The following TMEM185A variants were observed in gnomAD, a reference collection of about 807,000 sequenced individuals.
TMEM185A encodes the protein family with sequence similarity 11, member A.
Under a neutral mutation model 25.0 loss-of-function variants are expected in TMEM185A, and 9 were observed. That is an observed-to-expected ratio of 0.36 (90% CI 0.22 to 0.63). The LOEUF (loss-of-function observed/expected upper bound fraction) is 0.63, where lower values mean the gene tolerates loss of function less well. Ranked by LOEUF, TMEM185A falls within the 20% of genes least tolerant of loss-of-function variation. TMEM185A has a pLI of 0.68. For synonymous variants in TMEM185A, 45 were observed against 93.5 expected, an observed-to-expected ratio of 0.48 and a Z score of 2.99; for missense variants, 103 against 237.4, an observed-to-expected ratio of 0.43 and a Z score of 3.72.
chrX:149,610,016 A>G (rs1182646805), intron 2 of TMEM185A, among the ~76,000 whole-genome samples: 2 of 112,117 alleles, frequency 1.8e-5, no homozygotes, highest in African/African-American at 3.2e-5. Flanking sequence ...ACAGCTATAC[A>G]TGAATGTCCC....
chrX:149,612,334 C>G (rs182437199), intron 1 of TMEM185A, among the ~76,000 whole-genome samples: 167 of 111,937 alleles, frequency 1.5e-3, no homozygotes, highest in Non-Finnish European at 2.7e-3. Flanking sequence ...AGCAAGAAAA[C>G]AGTTAAAACT....
At chrX:149,625,835 T>C (rs984375927) in intron 1 of TMEM185A, among the ~76,000 whole-genome samples, 7 of 112,500 alleles carry the variant, frequency 6.2e-5, no homozygotes, top group Non-Finnish European at 1.1e-4. Context: ...AGTAACCTCT[T>C]TGAATAACAA....
rs2090196422 is a variant in TMEM185A, at chrX:149,631,726, CCGTCGCCGTCGCCG to C, written c.-160_-147del. 1.5e-5 allele frequency: 7 copies of C among 471,155 alleles called. No individual in the cohort carries two copies. In the African/African-American group the frequency reaches 2.1e-4, roughly 14 times the overall value. 38.8% of individuals were successfully genotyped at this position (471,155 alleles called of 1,213,427 possible). ...ACTGCTGCCGTCCCCGCTGCCGTCGCCGTCGCCGTCGCCGCCGCCGCCGCCGCCGCCGCCGCCGC... is the reference window on the plus strand; with the variant it reads ...ACTGCTGCCGTCCCCGCTGCCGTCGCCCGCCGCCGCCGCCGCCGCCGCCGC... On this transcript the variant is annotated 5_prime_UTR_variant, in exon 1 of 7. Coordinates refer to ENST00000600449, the MANE Select transcript of TMEM185A (RefSeq NM_032508.4).
intron 3 of TMEM185A, 77 bp downstream of exon 3, chrX:149,608,550 C>CA: frequency 6.7e-6 from 7 of 1,041,960 alleles, no homozygotes; most frequent in Non-Finnish European, 8.0e-6. Context: ...AGGCTGGTCT[C>CA]AAACTCCTGA....
At chrX:149,614,145 G>A (rs1569561008) in intron 1 of TMEM185A, among the ~76,000 whole-genome samples, 1 of 110,995 alleles carries the variant, frequency 9.0e-6, no homozygotes, top group African/African-American at 3.3e-5. Context: ...AAACACACAC[G>A]GAACATTCAC....
intron 3 of TMEM185A, 173 bp downstream of exon 3, chrX:149,608,454 C>T (rs782562512): frequency 3.7e-5 from 16 of 438,084 alleles, no homozygotes; most frequent in East Asian, 1.7e-4. Context: ...CCTCAGCCTC[C>T]GGAGAAGCTG....
intron 1 of TMEM185A, among the ~76,000 whole-genome samples, chrX:149,630,177 G>A (rs943977582): frequency 6.3e-5 from 7 of 111,654 alleles, no homozygotes; most frequent in Non-Finnish European, 1.3e-4. Flanking sequence ...GATAATGTCT[G>A]CACCGTGTTA....
Position 149,631,740 on chromosome X carries a change from GCC to G in TMEM185A, c.-162_-161del, listed in dbSNP as rs2090198453. 1 of 15,586 alleles carries G rather than the reference GCC, an allele frequency of 6.4e-5. No individual in the cohort carries two copies. The highest frequency in any genetic ancestry group is 6.7e-4 in the East Asian group (1 of 1,488). The allele number at this position is 15,586 out of a possible 1,213,427, so 1.3% of individuals were successfully genotyped here. ...CGCTGCCGTCGCCGTCGCCGTCGCC[GCC>G]GCCGCCGCCGCCGCCGCCGCCGCCG... On this transcript the variant is annotated 5_prime_UTR_variant, in exon 1 of 7. Transcript: ENST00000600449.
At chrX:149,629,017 G>A (rs1557356327) in intron 1 of TMEM185A, among the ~76,000 whole-genome samples, 1 of 111,966 alleles carries the variant, frequency 8.9e-6, no homozygotes, top group African/African-American at 3.3e-5. Flanking sequence ...GTTTAGTGGG[G>A]GAGGCAGGTA....
chrX:149,609,270 TGTAAAC>T (rs1271716266), intron 2 of TMEM185A, among the ~76,000 whole-genome samples: 7 of 112,658 alleles, frequency 6.2e-5, no homozygotes, highest in Admixed American at 3.7e-4. Context: ...CAAGAAACCA[TGTAAAC>T]CACCCTTCAC....
intron 3 of TMEM185A, 181 bp downstream of exon 3, chrX:149,608,446 T>C: frequency 7.2e-6 from 3 of 417,746 alleles, no homozygotes. Flanking sequence ...TTCTCCCGCC[T>C]CAGCCTCCGG....
Position 149,631,549 on chromosome X carries a change from T to A in TMEM185A, c.32A>T (p.Asn11Ile). The change falls in exon 1 of 7, where the codon AAC (asparagine) becomes ATC (isoleucine). Residue 11 changes from asparagine to isoleucine, a missense_variant. By Grantham distance (149) the Asn-to-Ile change is moderately radical. Around this residue, in one of 2 missense-constraint regions of TMEM185A, gnomAD observed 102 missense variants for 125.7 expected, o/e 0.81. Transcript: ENST00000600449. MNLRGLFQDF[N>I]PSKFLIYACL... is the part of the protein sequence containing the mutation. ...GCCAACGACGCCGCCTCACCTCGGG[T>A]TGAAGTCCTGGAAGAGGCCCCTCAG... The A allele has an allele frequency of 8.6e-7, 1 of 1,169,392 alleles. No individual in the cohort carries two copies. Among genetic ancestry groups the A allele is most frequent in the Non-Finnish European group, 1.1e-6 (1 of 874,159 alleles).
At chrX:149,627,978 G>A (rs868972272) in intron 1 of TMEM185A, among the ~76,000 whole-genome samples, 5 of 112,083 alleles carry the variant, frequency 4.5e-5, no homozygotes, top group Middle Eastern at 4.6e-3. Flanking sequence ...AACTTATATG[G>A]ACTCCAGAAT....
chrX:149,631,344 G>A (rs1028026018), intron 1 of TMEM185A, among the ~76,000 whole-genome samples, 199 bp downstream of exon 1: 5 of 111,291 alleles, frequency 4.5e-5, no homozygotes, highest in Admixed American at 2.8e-4. Context: ...GAAAGCACCG[G>A]GCACGGGAGG....
intron 1 of TMEM185A, among the ~76,000 whole-genome samples, chrX:149,616,678 G>C (rs1441960143): frequency 8.9e-6 from 1 of 111,986 alleles, no homozygotes; most frequent in African/African-American, 3.3e-5. Flanking sequence ...TGTGGGTCAT[G>C]ATTTAGCCTA....
intron 3 of TMEM185A, chrX:149,605,308 A>ACTTT (rs201696987): frequency 0.13 from 7,117 of 55,905 alleles, 1,050 homozygotes; most frequent in African/African-American, 0.31. Context: ...CTCCCATGTC[A>ACTTT]CTATGGCCTC....
intron 3 of TMEM185A, among the ~76,000 whole-genome samples, chrX:149,607,332 C>T (rs1557353684): frequency 8.9e-6 from 1 of 112,385 alleles, no homozygotes; most frequent in Non-Finnish European, 1.9e-5. Context: ...TAGTTCTCCC[C>T]TCAACCCATC....
At chrX:149,626,466 C>G (rs1480436741) in intron 1 of TMEM185A, among the ~76,000 whole-genome samples, 2 of 112,786 alleles carry the variant, frequency 1.8e-5, no homozygotes, top group African/African-American at 6.5e-5. Flanking sequence ...CCTGAACATA[C>G]CAGGCACTAT....
rs1208040473 is a variant in TMEM185A at position 149,622,220 on chromosome X, C to T, written c.38+9323G>A. ...AATTAGATAAATTAGATTTCAAAGC[C>T]GAAAGTATTAAAATGCTAAAAGGAC... On this transcript the variant is annotated intron_variant, in intron 1 of 6. Transcript: ENST00000600449. Among the ~76,000 whole-genome samples, 4 of 111,806 alleles carry T rather than the reference C, an allele frequency of 3.6e-5. No individual in the cohort carries two copies. In the Admixed American group the frequency reaches 3.8e-4, roughly 11 times the overall value.
Sources: gnomAD v4.1 joint callset for allele counts (sites outside exome capture counted in the v4.1 genomes callset) on GRCh38, gnomAD v4.1.1 for gene constraint, gnomAD v4.1.1 regional missense constraint, MANE v1.5 for transcripts, NCBI Gene and HGNC (gene_info 2026-07-23, HGNC 2026-07-21) for gene names.